The following NAV1 variants were observed in gnomAD, a reference collection of about 807,000 sequenced individuals.
NAV1 encodes the protein neuron navigator 1.
Under a neutral mutation model 175.2 loss-of-function variants are expected in NAV1, and 18 were observed. The ratio of observed to expected loss-of-function variants is 0.10; its 90% CI spans 0.07 to 0.15. The LOEUF (loss-of-function observed/expected upper bound fraction) is 0.15. Ranked by LOEUF, NAV1 falls within the 10% of genes least tolerant of loss-of-function variation. The probability of loss-of-function intolerance (pLI) is 1.00; values close to 1 mark genes in which losing one functional copy is unlikely to be tolerated. For synonymous variants in NAV1, 897 were observed against 978.7 expected, an observed-to-expected ratio of 0.92 and a Z score of 1.56; for missense variants, 1,731 against 2,436.6, an observed-to-expected ratio of 0.71 and a Z score of 6.10.
intron 1 of NAV1, among the ~76,000 whole-genome samples, chr1:201,558,593 C>T (rs1263591657): frequency 6.6e-6 from 1 of 152,158 alleles, no homozygotes; most frequent in African/African-American, 2.4e-5. Context: ...GCTGGGATTA[C>T]AGGCGCACAC....
chr1:201,768,139 A>G (rs910435419), intron 3 of NAV1, among the ~76,000 whole-genome samples: 2 of 152,130 alleles, frequency 1.3e-5, no homozygotes, highest in African/African-American at 2.4e-5. Flanking sequence ...AGCCTGGACA[A>G]CATGGTGAAA....
intron 13 of NAV1, chr1:201,791,060 T>A (rs1049301459): frequency 5.6e-6 from 2 of 356,420 alleles, no homozygotes; most frequent in Non-Finnish European, 1.0e-5. Flanking sequence ...TACCAGTGGT[T>A]CTGCATGGAG....
chr1:201,810,512 T>C lies in NAV1; in HGVS notation c.4562-11T>C, dbSNP rs761534715. 1 of 1,599,402 alleles carries C rather than the reference T, an allele frequency of 6.3e-7. No individual in the cohort carries two copies. Among genetic ancestry groups the C allele is most frequent in the Non-Finnish European group, 8.5e-7 (1 of 1,173,116 alleles). ...TGGTCAATACTCATGCTTTCTGGGGTGGGGGTTCAGGTCTGAAGGAGAAAT... is the reference window on the plus strand; with the variant it reads ...TGGTCAATACTCATGCTTTCTGGGGCGGGGGTTCAGGTCTGAAGGAGAAAT... On this transcript the variant is annotated splice_polypyrimidine_tract_variant and intron_variant, in intron 23 of 29. Coordinates refer to ENST00000367296, the Ensembl canonical transcript of NAV1. This position sits in a 1 kb window ranked among gnomAD's most constrained non-coding sequence, Gnocchi z 6.0.
upstream of NAV1, chr1:201,622,777 A>G (rs996557755): frequency 6.2e-6 from 6 of 972,740 alleles, no homozygotes; most frequent in Middle Eastern, 5.2e-4. Flanking sequence ...AGACCCCAAC[A>G]TCCTCTTTCT....
chr1:201,617,406 C>T (rs891402236), intron 2 of NAV1, among the ~76,000 whole-genome samples: 1 of 152,170 alleles, frequency 6.6e-6, no homozygotes. Context: ...CAGGCAAGCT[C>T]TTTGGCTTGA....
intron 3 of NAV1, among the ~76,000 whole-genome samples, chr1:201,772,816 G>A (rs531006574): frequency 6.6e-6 from 1 of 152,124 alleles, no homozygotes; most frequent in African/African-American, 2.4e-5. Context: ...GGTGGATCAC[G>A]AGGTCAGGAG....
intron 3 of NAV1, among the ~76,000 whole-genome samples, chr1:201,731,170 G>A (rs1194229644): frequency 6.7e-6 from 1 of 149,422 alleles, no homozygotes; most frequent in Non-Finnish European, 1.5e-5. Context: ...TGACACGGGG[G>A]CATGTGCGGT....
At chr1:201,579,336 T>A (rs546226821) in intron 1 of NAV1, among the ~76,000 whole-genome samples, 1 of 152,148 alleles carries the variant, frequency 6.6e-6, no homozygotes, top group African/African-American at 2.4e-5. Flanking sequence ...GTTCCTTGAG[T>A]CCCAAGGTCC....
intron 2 of NAV1, among the ~76,000 whole-genome samples, chr1:201,638,601 T>C (rs530135968): frequency 6.6e-6 from 1 of 152,322 alleles, no homozygotes; most frequent in South Asian, 2.1e-4. Flanking sequence ...ATGCAGTTAT[T>C]ATATTAAGCA....
intron 1 of NAV1, among the ~76,000 whole-genome samples, chr1:201,665,664 G>C (rs1255018030): frequency 7.4e-6 from 1 of 135,288 alleles, no homozygotes; most frequent in Non-Finnish European, 1.5e-5. Flanking sequence ...AAGACAAAGA[G>C]AGGGTAAGAC....
rs555727477 is a variant in NAV1 at position 201,799,971 on chromosome 1, CTTTATTT to C, written c.3518-3605_3518-3599del. Among the ~76,000 whole-genome samples the C allele has an allele frequency of 6.6e-3, 1,005 of 151,564 alleles. 5 individuals are homozygous for C. The highest frequency in any genetic ancestry group is 0.01 in the Non-Finnish European group (709 of 67,880). Reference sequence around the variant, plus strand: ...AGACGGATGCATATACTTTGCTACCCTTTATTTTTTATTTTTTATTTTTATTTATTTA... The same window carrying C: ...AGACGGATGCATATACTTTGCTACCCTTTATTTTTTATTTTTATTTATTTA... On this transcript the variant is annotated intron_variant, in intron 15 of 29. Coordinates refer to ENST00000367296, the Ensembl canonical transcript of NAV1.
At chr1:201,619,446 G>C (rs1460840654), upstream of NAV1, among the ~76,000 whole-genome samples, 1 of 152,224 alleles carries the variant, frequency 6.6e-6, no homozygotes, top group Non-Finnish European at 1.5e-5. Context: ...ATTTAGTTCT[G>C]GATTATCTCA....
exon 1 of NAV1, chr1:201,648,571 TCCTCCTCCCCCG>T (rs1669063467): frequency 1.7e-6 from 2 of 1,150,346 alleles, no homozygotes; most frequent in Non-Finnish European, 2.2e-6. Context: ...TCTCTCCCCC[TCCTCCTCCCCCG>T]CCTCCTCCTC....
At chr1:201,584,564 G>T (rs1173235105) in intron 1 of NAV1, among the ~76,000 whole-genome samples, 2 of 152,220 alleles carry the variant, frequency 1.3e-5, no homozygotes, top group African/African-American at 4.8e-5. Flanking sequence ...CCAAATCCTG[G>T]AGATGGAATA....
In NAV1 at chr1:201,651,143, G is replaced by T. The variant is rs151316501; in HGVS notation, c.757+1718G>T. ...GGACCGTGTGTGTGTGTGTGTGTGT[G>T]TGTGTGTGTGTGTGTGTCAGACTGA... On this transcript the variant is annotated intron_variant, in intron 1 of 29. Coordinates refer to ENST00000367296, the Ensembl canonical transcript of NAV1. 5.5e-3 allele frequency among the ~76,000 whole-genome samples: 841 copies of T among 151,694 alleles called. 8 individuals are homozygous for T. Among genetic ancestry groups the T allele is most frequent in the African/African-American group, 0.019 (798 of 41,352 alleles).
At chr1:201,756,809 C>CTTTCTTTCT (rs1491290809) in intron 3 of NAV1, among the ~76,000 whole-genome samples, 6 of 26,942 alleles carry the variant, frequency 2.2e-4, no homozygotes, top group African/African-American at 5.0e-4. Flanking sequence ...TCTTTCTTTC[C>CTTTCTTTCT]TTCTTTCTTT....
intron 3 of NAV1, among the ~76,000 whole-genome samples, chr1:201,763,510 A>C (rs893315874): frequency 1.3e-5 from 2 of 152,180 alleles, no homozygotes; most frequent in African/African-American, 4.8e-5. Flanking sequence ...AAAGAAGTAC[A>C]GGAGGGGAAA....
At chr1:201,569,343 C>G (rs995871372) in intron 1 of NAV1, among the ~76,000 whole-genome samples, 5 of 152,214 alleles carry the variant, frequency 3.3e-5, no homozygotes, top group Admixed American at 1.3e-4. Flanking sequence ...GATGCCAGGG[C>G]AGCCCAGAGC....
At chr1:201,817,027 G>A in intron 28 of NAV1, 61 bp from the exon 33 acceptor site, 1 of 1,504,522 alleles carries the variant, frequency 6.6e-7, no homozygotes, top group South Asian at 1.2e-5. Flanking sequence ...CCAAAAGACT[G>A]CATGAACAAG....
Sources: allele counts gnomAD v4.1 joint callset (sites outside exome capture counted in the v4.1 genomes callset), GRCh38; gene constraint gnomAD v4.1.1; non-coding constraint Gnocchi (gnomAD v3.1); transcripts MANE v1.5; gene names NCBI Gene and HGNC (gene_info 2026-07-23, HGNC 2026-07-21).